The following AGBL4 variants were observed in gnomAD, a reference collection of about 807,000 sequenced individuals.
AGBL4 encodes the protein cytosolic carboxypeptidase 6.
AGBL4 carries 58 observed loss-of-function variants against 66.4 expected under a neutral mutation model. That is an observed-to-expected ratio of 0.87 (90% CI 0.71 to 1.09). The LOEUF is 1.09. AGBL4 is among the 50% of genes least tolerant of loss of function. The pLI is 0.00. For missense variants in AGBL4, 579 were observed against 631.0 expected (o/e 0.92, Z 0.88); for synonymous variants, 234 against 222.9 (o/e 1.05, Z -0.44).
chr1:49,160,892 C>T (rs925708893), intron 4 of AGBL4, among the ~76,000 whole-genome samples: 1 of 152,124 alleles, frequency 6.6e-6, no homozygotes, highest in Non-Finnish European at 1.5e-5. Context: ...ATGGCCAGTG[C>T]CCCTCCCCCC....
At chr1:49,559,197 A>G (rs1229144505) in intron 3 of AGBL4, among the ~76,000 whole-genome samples, 2 of 152,124 alleles carry the variant, frequency 1.3e-5, no homozygotes, top group Non-Finnish European at 2.9e-5. Context: ...GTGTCATGCC[A>G]CCTCTAATTC....
intron 3 of AGBL4, among the ~76,000 whole-genome samples, chr1:49,551,451 G>A (rs1423638444): frequency 2.6e-5 from 4 of 152,208 alleles, no homozygotes; most frequent in Non-Finnish European, 5.9e-5. Context: ...GTCTAGGGCT[G>A]AAGGTTACTG....
intron 6 of AGBL4, among the ~76,000 whole-genome samples, chr1:48,754,563 AG>A (rs1471895179): frequency 9.9e-5 from 15 of 152,076 alleles, no homozygotes; most frequent in Admixed American, 9.2e-4. Flanking sequence ...TTGGGGGAGG[AG>A]GGGCAGGAAA....
At chr1:49,303,073 G>C (rs919235358) in intron 3 of AGBL4, among the ~76,000 whole-genome samples, 23 of 152,180 alleles carry the variant, frequency 1.5e-4, no homozygotes, top group Non-Finnish European at 3.2e-4. Flanking sequence ...TGGGCATTTG[G>C]GTTGATTCTA....
chr1:49,062,442 T>C (rs1224689620), intron 4 of AGBL4, among the ~76,000 whole-genome samples: 2 of 152,240 alleles, frequency 1.3e-5, no homozygotes, highest in African/African-American at 4.8e-5. Context: ...TTTCTATTTG[T>C]ACACCATGAA....
intron 3 of AGBL4, among the ~76,000 whole-genome samples, chr1:49,463,057 A>G (rs1646549815): frequency 6.6e-6 from 1 of 151,782 alleles, no homozygotes; most frequent in Non-Finnish European, 1.5e-5. Context: ...AAGAAAGGAA[A>G]CTAATGTTCT....
chr1:48,766,022 A>G (rs761095841), intron 6 of AGBL4, among the ~76,000 whole-genome samples: 1 of 152,210 alleles, frequency 6.6e-6, no homozygotes, highest in Non-Finnish European at 1.5e-5. Flanking sequence ...CTTTAGGAAT[A>G]TACCAAAAAA....
At chr1:48,529,068 A>G (rs986401316), downstream of AGBL4, among the ~76,000 whole-genome samples, 4 of 151,890 alleles carry the variant, frequency 2.6e-5, no homozygotes, top group African/African-American at 7.3e-5. Flanking sequence ...CATACCCACT[A>G]TTTATTCATT....
chr1:49,643,674 A>C (rs1645828741), intron 3 of AGBL4, among the ~76,000 whole-genome samples: 1 of 151,738 alleles, frequency 6.6e-6, no homozygotes, highest in Non-Finnish European at 1.5e-5. Flanking sequence ...CAAGTGCAAC[A>C]GTATCTTTAA....
chr1:48,651,607 G>A (rs1470653266), intron 8 of AGBL4, among the ~76,000 whole-genome samples: 2 of 152,204 alleles, frequency 1.3e-5, no homozygotes, highest in African/African-American at 4.8e-5. Context: ...ACTTGCGAAT[G>A]CTAATGAACC....
intron 3 of AGBL4, among the ~76,000 whole-genome samples, chr1:49,582,948 T>C (rs1001777018): frequency 5.3e-5 from 8 of 152,080 alleles, no homozygotes; most frequent in African/African-American, 1.7e-4. Context: ...CCTTAGAGGA[T>C]GTGATACTGT....
intron 4 of AGBL4, among the ~76,000 whole-genome samples, chr1:49,148,734 A>G (rs1000667578): frequency 6.6e-6 from 1 of 152,166 alleles, no homozygotes; most frequent in Admixed American, 6.5e-5. Context: ...TGGGCAGGGC[A>G]TATCTCAGCC....
chr1:49,794,720 G>A (rs572623137), intron 2 of AGBL4, among the ~76,000 whole-genome samples: 1 of 151,996 alleles, frequency 6.6e-6, no homozygotes, highest in African/African-American at 2.4e-5. Context: ...ATAGACTCAT[G>A]TTCCTAGCAT....
intron 3 of AGBL4, among the ~76,000 whole-genome samples, chr1:49,368,327 C>A (rs1443966294): frequency 6.6e-6 from 1 of 152,116 alleles, no homozygotes; most frequent in Non-Finnish European, 1.5e-5. Context: ...TTATTTTAAA[C>A]AACTAAACTG....
intron 1 of AGBL4, among the ~76,000 whole-genome samples, chr1:49,903,019 A>G (rs1330806802): frequency 6.6e-6 from 1 of 152,180 alleles, no homozygotes; most frequent in Non-Finnish European, 1.5e-5. Flanking sequence ...AAAGGAATAT[A>G]AATCACTCCA....
chr1:49,087,740 C>T (rs1644933218), intron 4 of AGBL4, among the ~76,000 whole-genome samples: 2 of 152,094 alleles, frequency 1.3e-5, no homozygotes, highest in Non-Finnish European at 2.9e-5. Context: ...ACAGAAAACC[C>T]TTGTGATATA....
chr1:49,874,875 G>A lies in AGBL4; in HGVS notation c.35-23357C>T, dbSNP rs181285204. On this transcript the variant is annotated intron_variant, in intron 1 of 13. Coordinates refer to ENST00000371839, the MANE Select transcript of AGBL4 (RefSeq NM_032785.4). ...GTTTTAGGGTACATGTGCACAATGT[G>A]CAGGTTAGTTACATATGTATACATG... 3.4e-3 allele frequency among the ~76,000 whole-genome samples: 515 copies of A among 151,728 alleles called. 5 individuals carry two copies. Among genetic ancestry groups the A allele is most frequent in the African/African-American group, 0.012 (493 of 41,420 alleles).
chr1:49,433,273 T>C lies in AGBL4; in HGVS notation c.283-187409A>G, dbSNP rs528152831. Among the ~76,000 whole-genome samples the C allele has an allele frequency of 1.7e-3, 265 of 152,290 alleles. 1 individual carries two copies. The highest frequency in any genetic ancestry group is 5.9e-3 in the African/African-American group (247 of 41,568). On this transcript the variant is annotated intron_variant, in intron 3 of 13. Transcript: ENST00000371839. ...CCCAATTTGTAGCCAATCAGAAGCA[T>C]AGGTAAAATGACCTTGGCTTGTGAC...
At chr1:49,704,818 T>C (rs1259828315) in intron 2 of AGBL4, among the ~76,000 whole-genome samples, 1 of 152,182 alleles carries the variant, frequency 6.6e-6, no homozygotes, top group African/African-American at 2.4e-5. Context: ...ACCATGCTGT[T>C]GGGGTTACTG....
Sources: allele counts gnomAD v4.1 joint callset (sites outside exome capture counted in the v4.1 genomes callset), GRCh38; gene constraint gnomAD v4.1.1; transcripts MANE v1.5; gene names NCBI Gene and HGNC (gene_info 2026-07-23, HGNC 2026-07-21).